The following SPATA22 variants were observed in gnomAD, a reference collection of about 807,000 sequenced individuals.
SPATA22 encodes the protein spermatogenesis associated 22.
In SPATA22, 29 loss-of-function variants were observed where a neutral mutation model predicts 47.8. That is an observed-to-expected ratio of 0.61 (90% CI 0.45 to 0.83). The LOEUF (loss-of-function observed/expected upper bound fraction) is 0.83. Ranked by LOEUF, SPATA22 falls within the 40% of genes least tolerant of loss-of-function variation. The pLI, the probability that SPATA22 is intolerant of heterozygous loss-of-function variation, is 0.00. For missense variants in SPATA22, 410 were observed against 421.7 expected, an observed-to-expected ratio of 0.97 and a Z score of 0.24; for synonymous variants, 133 against 140.9, an observed-to-expected ratio of 0.94 and a Z score of 0.40.
chr17:3,455,047 C>T (rs2072953771), intron 5 of SPATA22, among the ~76,000 whole-genome samples: 1 of 152,196 alleles, frequency 6.6e-6, no homozygotes, highest in Middle Eastern at 3.4e-3. Context: ...TCTCTGATGG[C>T]CAGTGATGAT....
intron 5 of SPATA22, among the ~76,000 whole-genome samples, chr17:3,458,860 A>AAAAAAAAAAAAAAAAAAC (rs1387349955): frequency 6.7e-6 from 1 of 149,306 alleles, no homozygotes; most frequent in East Asian, 1.9e-4. Context: ...CTTCACAAAA[A>AAAAAAAAAAAAAAAAAAC]AAAAAAAAAA....
At chr17:3,500,394 T>C (rs551021289) in intron 1 of SPATA22, 1 of 152,418 alleles carries the variant, frequency 6.6e-6, no homozygotes, top group South Asian at 2.1e-4. Context: ...AATGAATGCC[T>C]AGCTTCAAAG....
At chr17:3,513,819 C>G in exon 1 of SPATA22, 3 of 1,037,238 alleles carry the variant, frequency 2.9e-6, no homozygotes, top group African/African-American at 1.6e-5. Flanking sequence ...GCCAGCAGAG[C>G]CGGACTCCAC....
chr17:3,468,866 G>A, intron 2 of SPATA22: 2 of 937,868 alleles, frequency 2.1e-6, no homozygotes, highest in Non-Finnish European at 2.5e-6. Context: ...TCATTCCCCT[G>A]GTTCTCATCA....
At chr17:3,463,085 C>T (rs2073166016) in intron 3 of SPATA22, among the ~76,000 whole-genome samples, 1 of 152,152 alleles carries the variant, frequency 6.6e-6, no homozygotes, top group African/African-American at 2.4e-5. Flanking sequence ...TTTAAAATCT[C>T]ACCCACAGAA....
At chr17:3,482,072 A>G (rs906778337) in intron 1 of SPATA22, among the ~76,000 whole-genome samples, 12 of 152,368 alleles carry the variant, frequency 7.9e-5, no homozygotes, top group South Asian at 6.2e-4. Context: ...ATAAAATTAC[A>G]CGTTTTATCC....
chr17:3,483,429 G>A, intron 1 of SPATA22: 1 of 1,317,356 alleles, frequency 7.6e-7, no homozygotes, highest in East Asian at 2.3e-5. Context: ...AGGTATTATT[G>A]ACTCTGTTGA....
At chr17:3,486,214 G>T (rs546694161) in intron 1 of SPATA22, among the ~76,000 whole-genome samples, 1 of 152,154 alleles carries the variant, frequency 6.6e-6, no homozygotes, top group East Asian at 1.9e-4. Flanking sequence ...GATTACAGGC[G>T]TGAGCCACCG....
chr17:3,471,603 T>C, intron 1 of SPATA22, 79 bp downstream of exon 1: 1 of 985,140 alleles, frequency 1.0e-6, no homozygotes, highest in Non-Finnish European at 1.2e-6. Flanking sequence ...GAGAAGAGGC[T>C]CCAGTCCGAG....
intron 5 of SPATA22, among the ~76,000 whole-genome samples, chr17:3,456,970 C>A (rs1211395748): frequency 1.3e-5 from 2 of 151,332 alleles, no homozygotes; most frequent in Non-Finnish European, 2.9e-5. Context: ...TCAATAGATG[C>A]AGAAAAGGCC....
intron 1 of SPATA22, among the ~76,000 whole-genome samples, chr17:3,508,039 G>A (rs2074059029): frequency 6.6e-6 from 1 of 152,160 alleles, no homozygotes; most frequent in Non-Finnish European, 1.5e-5. Context: ...ATACATCCCA[G>A]TGAAGGAAGT....
At chr17:3,467,877 T>C (rs1325233448) in intron 2 of SPATA22, among the ~76,000 whole-genome samples, 2 of 152,184 alleles carry the variant, frequency 1.3e-5, no homozygotes, top group Admixed American at 1.3e-4. Flanking sequence ...TGCTTGCCTG[T>C]TACCATATCG....
intron 7 of SPATA22, 127 bp from the exon 8 acceptor site, chr17:3,443,398 A>G: frequency 1.8e-6 from 1 of 568,926 alleles, no homozygotes; most frequent in Non-Finnish European, 2.9e-6. Flanking sequence ...TATAGCAATA[A>G]AGAAGACATT....
intron 3 of SPATA22, among the ~76,000 whole-genome samples, chr17:3,463,068 C>A (rs965023604): frequency 3.9e-5 from 6 of 152,294 alleles, no homozygotes; most frequent in Admixed American, 3.9e-4. Context: ...CCAATGTTTA[C>A]TGAACTTTTA....
intron 1 of SPATA22, among the ~76,000 whole-genome samples, chr17:3,506,877 G>C (rs2074045039): frequency 6.6e-6 from 1 of 152,114 alleles, no homozygotes; most frequent in Non-Finnish European, 1.5e-5. Context: ...GGAGGTGGAG[G>C]TTGCAGTGAG....
intron 1 of SPATA22, among the ~76,000 whole-genome samples, chr17:3,506,955 A>T (rs2074045728): frequency 7.1e-6 from 1 of 139,922 alleles, no homozygotes; most frequent in Non-Finnish European, 1.5e-5. Context: ...ACAGAAAAAG[A>T]GAGAGAGAGA....
At chr17:3,482,334 G>A (rs1047307471) in intron 1 of SPATA22, among the ~76,000 whole-genome samples, 5 of 152,118 alleles carry the variant, frequency 3.3e-5, no homozygotes, top group South Asian at 4.1e-4. Flanking sequence ...CCCAGAATAC[G>A]TCTAATCTTT....
At chr17:3,476,869 G>A (rs1227463260) in intron 1 of SPATA22, among the ~76,000 whole-genome samples, 1 of 152,208 alleles carries the variant, frequency 6.6e-6, no homozygotes, top group Non-Finnish European at 1.5e-5. Context: ...TTTGTTGAAT[G>A]AAAGCGTGAT....
chr17:3,506,854 T>C (rs541007703), intron 1 of SPATA22, among the ~76,000 whole-genome samples: 1 of 152,026 alleles, frequency 6.6e-6, no homozygotes, highest in Non-Finnish European at 1.5e-5. Flanking sequence ...GGCAGGAGAA[T>C]TGCTTGAAGC....
Sources: gnomAD v4.1 joint callset for allele counts (sites outside exome capture counted in the v4.1 genomes callset) on GRCh38, gnomAD v4.1.1 for gene constraint, MANE v1.5 for transcripts, NCBI Gene and HGNC (gene_info 2026-07-23, HGNC 2026-07-21) for gene names.